SLC39A11: variants seen among roughly 807,000 people sequenced by gnomAD.
SLC39A11 encodes the protein solute carrier family 39 member 11.
A neutral mutation model predicts 36.1 loss-of-function variants in SLC39A11; 33 were observed. The observed-to-expected ratio is 0.91, with a 90% CI of 0.69 to 1.22. The LOEUF is 1.22. Among genes scored for constraint, SLC39A11 ranks in the 50% most tolerant of loss-of-function variants. SLC39A11 has a pLI of 0.00. For missense variants in SLC39A11, 432 were observed against 430.3 expected, an observed-to-expected ratio of 1.00 and a Z score of -0.03; for synonymous variants, 166 against 170.3, an observed-to-expected ratio of 0.97 and a Z score of 0.20.
intron 5 of SLC39A11, among the ~76,000 whole-genome samples, chr17:72,919,469 G>C (rs1157533304): frequency 6.6e-6 from 1 of 151,932 alleles, no homozygotes; most frequent in Non-Finnish European, 1.5e-5. Context: ...GGGGAGCTGA[G>C]AAATTGATCT....
At chr17:72,684,100 CTGGGGAG>C (rs1340329308) in intron 7 of SLC39A11, among the ~76,000 whole-genome samples, 1 of 152,156 alleles carries the variant, frequency 6.6e-6, no homozygotes, top group East Asian at 1.9e-4. Context: ...CTTCTGGCCC[CTGGGGAG>C]CCACAGGGCT....
At chr17:73,021,313 T>C (rs1404102552) in intron 4 of SLC39A11, among the ~76,000 whole-genome samples, 17 of 152,128 alleles carry the variant, frequency 1.1e-4, no homozygotes, top group Non-Finnish European at 1.9e-4. Context: ...GAAGATTAGA[T>C]GCATACTCAG....
At chr17:73,057,180 G>A (rs2059696308) in intron 3 of SLC39A11, among the ~76,000 whole-genome samples, 1 of 152,180 alleles carries the variant, frequency 6.6e-6, no homozygotes, top group East Asian at 1.9e-4. Context: ...TGTCCAGGCT[G>A]GTCTTGAACT....
chr17:73,061,615 G>T (rs1312718555), intron 3 of SLC39A11, among the ~76,000 whole-genome samples: 1 of 152,176 alleles, frequency 6.6e-6, no homozygotes, highest in African/African-American at 2.4e-5. Context: ...TACTTGAAAG[G>T]ATGTAAATTC....
At chr17:73,065,363 C>T (rs1484828112) in intron 3 of SLC39A11, among the ~76,000 whole-genome samples, 1 of 152,134 alleles carries the variant, frequency 6.6e-6, no homozygotes, top group Non-Finnish European at 1.5e-5. Context: ...TGAGATCGCA[C>T]CACTACATTC....
intron 5 of SLC39A11, among the ~76,000 whole-genome samples, chr17:72,871,186 C>T (rs1020650711): frequency 2.0e-5 from 3 of 151,712 alleles, no homozygotes; most frequent in Admixed American, 6.6e-5. Context: ...CTCAGCCTCC[C>T]GAGTAGCTGG....
chr17:72,831,061 G>A (rs2145710497), intron 6 of SLC39A11, among the ~76,000 whole-genome samples: 1 of 152,228 alleles, frequency 6.6e-6, no homozygotes, highest in African/African-American at 2.4e-5. Context: ...AAGAGAATGA[G>A]GGAAAATGCC....
chr17:72,670,436 T>C (rs2070975989), intron 7 of SLC39A11, among the ~76,000 whole-genome samples: 1 of 152,158 alleles, frequency 6.6e-6, no homozygotes, highest in Non-Finnish European at 1.5e-5. Context: ...TTAGTTCTCA[T>C]TGGTGGATCT....
chr17:72,865,853 C>T (rs1026955490), intron 5 of SLC39A11, among the ~76,000 whole-genome samples: 1 of 152,112 alleles, frequency 6.6e-6, no homozygotes, highest in African/African-American at 2.4e-5. Context: ...AACAGACGAA[C>T]CCACTCGAAC....
chr17:73,066,195 C>T (rs1313686462), intron 3 of SLC39A11, among the ~76,000 whole-genome samples: 3 of 152,158 alleles, frequency 2.0e-5, no homozygotes. Flanking sequence ...CACTACTGAA[C>T]CATGAGCAAC....
In SLC39A11 at chr17:72,647,599, G is replaced by A. The variant is rs376020402; in HGVS notation, c.993C>T (p.Asp331=). ...CGTCTCAGCCCTAGCCCAGGCCAAC[G>A]TCCAGTGACATCATCACTACAAATC... is the stretch of plus-strand genomic sequence containing the variant. ...ILGFVVMMSL[D]VGLG is the part of the protein sequence containing the mutation. The change falls in exon 10 of 10, where the codon GAC becomes GAT. Residue 331 remains aspartate, a synonymous_variant. Coordinates refer to ENST00000255559, the MANE Select transcript of SLC39A11 (RefSeq NM_139177.4). 15 of 1,613,744 alleles carry A rather than the reference G, an allele frequency of 9.3e-6. No individual in the cohort carries two copies. Among genetic ancestry groups the A allele is most frequent in the African/African-American group, 8.0e-5 (6 of 74,886 alleles).
intron 4 of SLC39A11, among the ~76,000 whole-genome samples, chr17:72,977,836 C>G (rs975350585): frequency 6.6e-6 from 1 of 152,132 alleles, no homozygotes; most frequent in East Asian, 1.9e-4. Context: ...AGTAAAGTAC[C>G]GAGGTGGCCT....
chr17:72,706,729 G>A (rs971196685), intron 7 of SLC39A11, among the ~76,000 whole-genome samples: 1 of 152,208 alleles, frequency 6.6e-6, no homozygotes, highest in African/African-American at 2.4e-5. Context: ...GGGAAGAAGG[G>A]GGAGAGGTCT....
intron 1 of SLC39A11, 80 bp from the exon 2 acceptor site, chr17:73,088,855 C>T: frequency 9.6e-7 from 1 of 1,045,992 alleles, no homozygotes; most frequent in Non-Finnish European, 1.4e-6. Context: ...TCCTAACACC[C>T]TGTGTGGGAG....
chr17:72,905,401 G>A (rs11654304), intron 5 of SLC39A11, among the ~76,000 whole-genome samples: 75,167 of 150,870 alleles, frequency 0.5, 19,037 homozygotes, highest in East Asian at 0.72. Context: ...TTCCAGACCC[G>A]CCTGGCCAAC....
intron 7 of SLC39A11, among the ~76,000 whole-genome samples, chr17:72,662,196 G>A (rs2070455883): frequency 6.6e-6 from 1 of 152,098 alleles, no homozygotes; most frequent in South Asian, 2.1e-4. Flanking sequence ...GAGCCCAGGA[G>A]TTTGAGGCTG....
rs919171400 is a variant in SLC39A11 at position 72,646,441 on chromosome 17, T to G, written c.*1143A>C. On this transcript the variant is annotated 3_prime_UTR_variant, in exon 10 of 10. Transcript: ENST00000255559. Reference sequence around the variant, plus strand: ...GGAGTAGGCTGGCTTCTGGTCTAGTTCGACTCATTCTTTATAGGGACATTT... The same window carrying G: ...GGAGTAGGCTGGCTTCTGGTCTAGTGCGACTCATTCTTTATAGGGACATTT... 6.6e-6 allele frequency: 1 copy of G among 152,236 alleles called. No individual in the cohort carries two copies. The highest frequency in any genetic ancestry group is 6.5e-5 in the Admixed American group (1 of 15,290). The allele number at this position is 152,236 out of a possible 1,614,324, so 9.4% of individuals were successfully genotyped here. A position where few individuals can be genotyped will look rare whatever the true frequency, so the allele number is the denominator to read the frequency against.
chr17:72,841,862 G>T (rs2078828398), intron 6 of SLC39A11, among the ~76,000 whole-genome samples: 1 of 151,082 alleles, frequency 6.6e-6, no homozygotes, highest in Admixed American at 6.6e-5. Context: ...AGGAGTTCGA[G>T]ACTAGCCTAG....
chr17:72,817,573 C>T (rs1264603614), intron 6 of SLC39A11, among the ~76,000 whole-genome samples: 2 of 152,224 alleles, frequency 1.3e-5, no homozygotes, highest in Non-Finnish European at 2.9e-5. Flanking sequence ...ACAGCAGGTA[C>T]ACCCATGGGA....
Sources: gnomAD v4.1 joint callset for allele counts (sites outside exome capture counted in the v4.1 genomes callset) on GRCh38, gnomAD v4.1.1 for gene constraint, MANE v1.5 for transcripts, NCBI Gene and HGNC (gene_info 2026-07-23, HGNC 2026-07-21) for gene names.